Variants in ELOVL7 observed in about 807,000 individuals in gnomAD.
ELOVL7 encodes ELOVL fatty acid elongase 7.
ELOVL7 carries 27 observed loss-of-function variants against 35.7 expected under a neutral mutation model. The observed-to-expected ratio is 0.76, with a 90% confidence interval of 0.56 to 1.04. The LOEUF (loss-of-function observed/expected upper bound fraction) is 1.04. ELOVL7 is among the 50% of genes least tolerant of loss of function. ELOVL7 has a pLI of 0.00. For missense variants in ELOVL7, 327 were observed against 340.8 expected (o/e 0.96, Z 0.32); for synonymous variants, 113 against 114.6 (o/e 0.99, Z 0.09).
At chr5:60,773,264 T>C (rs1004421525) in intron 3 of ELOVL7, among the ~76,000 whole-genome samples, 5 of 152,196 alleles carry the variant, frequency 3.3e-5, no homozygotes, top group Non-Finnish European at 5.9e-5. Context: ...ATGCCATGAC[T>C]AACCTCAGGA....
Position 60,773,308 on chromosome 5 carries a change from G to C in ELOVL7, c.65-1215C>G, listed in dbSNP as rs1201167667. ...ACTGTCACTTTTATCAATTGGAAAA[G>C]AAGGGTAGGGAGAATGTAGCTCTTG... On this transcript the variant is annotated intron_variant, in intron 3 of 8. Coordinates refer to ENST00000508821, the MANE Select transcript of ELOVL7 (RefSeq NM_024930.3). 2.0e-5 allele frequency among the ~76,000 whole-genome samples: 3 copies of C among 152,304 alleles called. No homozygotes were observed. In the South Asian group the frequency reaches 6.2e-4, roughly 32 times the overall value.
At chr5:60,831,655 T>C (rs1746485482) in intron 1 of ELOVL7, among the ~76,000 whole-genome samples, 1 of 152,226 alleles carries the variant, frequency 6.6e-6, no homozygotes, top group South Asian at 2.1e-4. Context: ...TTAAAATATC[T>C]TTGCATCTTT....
intron 6 of ELOVL7, among the ~76,000 whole-genome samples, 181 bp from the exon 7 acceptor site, chr5:60,764,513 T>C (rs1742117980): frequency 6.6e-6 from 1 of 152,100 alleles, no homozygotes; most frequent in South Asian, 2.1e-4. Flanking sequence ...CTAATTATTA[T>C]GAAGTAACTT....
chr5:60,766,080 C>T (rs781355257), intron 6 of ELOVL7, among the ~76,000 whole-genome samples: 1 of 152,150 alleles, frequency 6.6e-6, no homozygotes, highest in Non-Finnish European at 1.5e-5. Flanking sequence ...TAAGCACAGA[C>T]TTCAGAAAAG....
At chr5:60,809,881 T>G (rs1263807993) in intron 1 of ELOVL7, among the ~76,000 whole-genome samples, 1 of 152,128 alleles carries the variant, frequency 6.6e-6, no homozygotes, top group African/African-American at 2.4e-5. Flanking sequence ...CATACACTGG[T>G]GAACAGATAA....
intron 1 of ELOVL7, among the ~76,000 whole-genome samples, chr5:60,834,227 T>C (rs184695856): frequency 2.4e-3 from 361 of 152,228 alleles, no homozygotes; most frequent in Non-Finnish European, 4.0e-3. Flanking sequence ...CTGCAAGCTC[T>C]GCCTCCCAGG....
At chr5:60,759,718 A>G (rs1347513320) in intron 7 of ELOVL7, among the ~76,000 whole-genome samples, 1 of 151,808 alleles carries the variant, frequency 6.6e-6, no homozygotes, top group Non-Finnish European at 1.5e-5. Flanking sequence ...TACATGTGCC[A>G]CGCTGGTGTG....
chr5:60,768,823 C>A, intron 4 of ELOVL7: 1 of 369,498 alleles, frequency 2.7e-6, no homozygotes, highest in South Asian at 2.1e-5. Context: ...TCTTCTCTCT[C>A]AGTATAATGG....
chr5:60,757,415 C>T, intron 8 of ELOVL7, 94 bp downstream of exon 8: 2 of 1,319,170 alleles, frequency 1.5e-6, no homozygotes, highest in Middle Eastern at 4.5e-4. Flanking sequence ...ATTGTTTTGT[C>T]TTTCTTCTTT....
At chr5:60,768,189 G>C (rs563234782) in intron 4 of ELOVL7, among the ~76,000 whole-genome samples, 1 of 152,266 alleles carries the variant, frequency 6.6e-6, no homozygotes, top group South Asian at 2.1e-4. Context: ...AAAACACTTG[G>C]AGTGTTTTGC....
chr5:60,840,977 C>G (rs1414609363), intron 1 of ELOVL7, among the ~76,000 whole-genome samples: 1 of 149,118 alleles, frequency 6.7e-6, no homozygotes, highest in Non-Finnish European at 1.5e-5. Context: ...AAAATGCTTA[C>G]TAGGTATTAT....
intron 7 of ELOVL7, among the ~76,000 whole-genome samples, chr5:60,762,441 T>G (rs931036486): frequency 6.6e-6 from 1 of 152,152 alleles, no homozygotes; most frequent in Non-Finnish European, 1.5e-5. Flanking sequence ...TTGTATTCAT[T>G]AAATAAAATT....
At chr5:60,792,710 C>G (rs1744011924) in intron 2 of ELOVL7, among the ~76,000 whole-genome samples, 1 of 152,108 alleles carries the variant, frequency 6.6e-6, no homozygotes, top group Non-Finnish European at 1.5e-5. Flanking sequence ...GCAATTTACT[C>G]CATGTGGTAT....
At chr5:60,772,927 G>C (rs1742685701) in intron 3 of ELOVL7, among the ~76,000 whole-genome samples, 1 of 152,016 alleles carries the variant, frequency 6.6e-6, no homozygotes, top group Admixed American at 6.6e-5. Context: ...CACATATACT[G>C]TATCACAGGA....
chr5:60,824,104 C>T (rs987091732), intron 1 of ELOVL7, among the ~76,000 whole-genome samples: 4 of 152,058 alleles, frequency 2.6e-5, no homozygotes, highest in Admixed American at 6.6e-5. Context: ...ACCTGGGTAT[C>T]CGTGCAGAGG....
At chr5:60,841,458 G>T (rs775186580) in intron 1 of ELOVL7, among the ~76,000 whole-genome samples, 2 of 152,244 alleles carry the variant, frequency 1.3e-5, no homozygotes, top group Non-Finnish European at 2.9e-5. Flanking sequence ...TCTCTTCTTG[G>T]CTCCCTGATC....
intron 3 of ELOVL7, among the ~76,000 whole-genome samples, chr5:60,784,450 C>T (rs969238727): frequency 6.6e-6 from 1 of 152,204 alleles, no homozygotes; most frequent in African/African-American, 2.4e-5. Context: ...CATTTCACAT[C>T]TAAGAATCCA....
intron 1 of ELOVL7, among the ~76,000 whole-genome samples, chr5:60,818,190 C>A (rs1015642915): frequency 6.6e-6 from 1 of 151,152 alleles, no homozygotes; most frequent in South Asian, 2.1e-4. Flanking sequence ...TGGTGGCGGG[C>A]GCCTATAATC....
chr5:60,800,506 T>C (rs1014052881), intron 1 of ELOVL7, among the ~76,000 whole-genome samples: 1 of 152,234 alleles, frequency 6.6e-6, no homozygotes, highest in African/African-American at 2.4e-5. Flanking sequence ...TATAAAAAGC[T>C]AACATAATAC....
Sources: gnomAD v4.1 joint callset for allele counts (sites outside exome capture counted in the v4.1 genomes callset) on GRCh38, gnomAD v4.1.1 for gene constraint, MANE v1.5 for transcripts, NCBI Gene and HGNC (gene_info 2026-07-23, HGNC 2026-07-21) for gene names.